The following GRID2 variants were observed in gnomAD, a reference collection of about 807,000 sequenced individuals.
GRID2 encodes the protein glutamate ionotropic receptor delta type subunit 2, also known as glutamate receptor ionotropic, delta-2.
In GRID2, 33 loss-of-function variants were observed where a neutral mutation model predicts 114.8. The observed-to-expected ratio is 0.29, with a 90% CI of 0.22 to 0.38. The LOEUF is 0.38. Among genes scored for constraint, GRID2 ranks in the 10% least tolerant of loss-of-function variants. The pLI, the probability that GRID2 is intolerant of heterozygous loss-of-function variation, is 1.00. For synonymous variants in GRID2, 505 were observed against 449.9 expected (o/e 1.12, Z -1.55); for missense variants, 1,184 against 1,257.7 (o/e 0.94, Z 0.89).
chr4:93,779,023 T>C (rs1734426596), downstream of GRID2, among the ~76,000 whole-genome samples: 1 of 152,164 alleles, frequency 6.6e-6, no homozygotes, highest in African/African-American at 2.4e-5. Context: ...AAGATCATAG[T>C]AAAAATGACC....
rs548861709 is a variant in GRID2 at position 92,687,257 on chromosome 4, C to A, written c.244+96971C>A. Among the ~76,000 whole-genome samples the A allele has an allele frequency of 1.3e-4, 19 of 150,194 alleles. No individual in the cohort carries two copies. The South Asian group carries it at 4.0e-3, about 32-fold the overall frequency. ...TAGTCATTTCTTGTGCAAACCTGCT[C>A]TTTTTGAAGCACACCAACTCAATGA... On this transcript the variant is annotated intron_variant, in intron 2 of 15. Coordinates refer to ENST00000282020, the MANE Select transcript of GRID2 (RefSeq NM_001510.4).
intron 2 of GRID2, among the ~76,000 whole-genome samples, chr4:92,847,552 CA>C (rs1743420374): frequency 6.6e-6 from 1 of 151,976 alleles, no homozygotes; most frequent in African/African-American, 2.4e-5. Flanking sequence ...TTTAAAATAA[CA>C]AAATGTCTAT....
At chr4:93,012,616 T>A (rs1722291773) in intron 2 of GRID2, among the ~76,000 whole-genome samples, 1 of 151,958 alleles carries the variant, frequency 6.6e-6, no homozygotes, top group South Asian at 2.1e-4. Flanking sequence ...GCAAAATGGC[T>A]TGAGTTTTTG....
intron 1 of GRID2, among the ~76,000 whole-genome samples, chr4:92,327,625 T>TTAA (rs1179894125): frequency 3.8e-4 from 57 of 151,912 alleles, no homozygotes; most frequent in African/African-American, 1.4e-3. Context: ...CCAATATTCT[T>TTAA]CCCTTATTAT....
chr4:92,578,610 G>A (rs929994338), intron 1 of GRID2, among the ~76,000 whole-genome samples: 1 of 152,046 alleles, frequency 6.6e-6, no homozygotes, highest in African/African-American at 2.4e-5. Context: ...GCATGGCCTA[G>A]TGACTCACAC....
chr4:93,395,802 G>T, intron 9 of GRID2, 94 bp downstream of exon 9: 1 of 567,010 alleles, frequency 1.8e-6, no homozygotes, highest in Non-Finnish European at 3.2e-6. Context: ...TCTTAAAAGA[G>T]ATTTTAACAA....
intron 13 of GRID2, among the ~76,000 whole-genome samples, chr4:93,518,583 C>G (rs946406982): frequency 6.6e-6 from 1 of 151,614 alleles, no homozygotes; most frequent in Non-Finnish European, 1.5e-5. Context: ...TGGGTATAAA[C>G]AATAAACAAA....
chr4:93,601,512 C>A (rs1739682688), intron 13 of GRID2, among the ~76,000 whole-genome samples: 1 of 152,166 alleles, frequency 6.6e-6, no homozygotes, highest in Admixed American at 6.5e-5. Context: ...CCTGATAACA[C>A]CAACAGCTGA....
intron 4 of GRID2, among the ~76,000 whole-genome samples, chr4:93,133,160 G>C (rs896126220): frequency 1.3e-5 from 2 of 150,922 alleles, no homozygotes; most frequent in Non-Finnish European, 2.9e-5. Context: ...GCTCTCTCTC[G>C]GTCTCTCTCT....
intron 13 of GRID2, among the ~76,000 whole-genome samples, chr4:93,530,664 C>A (rs922207552): frequency 1.3e-5 from 2 of 152,078 alleles, no homozygotes; most frequent in Non-Finnish European, 2.9e-5. Context: ...CCTTTTAATA[C>A]TGTAATTGTC....
intron 8 of GRID2, among the ~76,000 whole-genome samples, chr4:93,271,752 A>G (rs1241203251): frequency 6.6e-6 from 1 of 152,198 alleles, no homozygotes; most frequent in African/African-American, 2.4e-5. Context: ...AAGTACTCTG[A>G]GATGCAAAAA....
At chr4:92,951,925 A>G (rs1441308506) in intron 2 of GRID2, among the ~76,000 whole-genome samples, 3 of 152,166 alleles carry the variant, frequency 2.0e-5, no homozygotes. Context: ...TTATTTCATT[A>G]CATGGATATG....
chr4:92,560,660 C>G (rs1322568164), intron 1 of GRID2, among the ~76,000 whole-genome samples: 1 of 152,044 alleles, frequency 6.6e-6, no homozygotes, highest in East Asian at 1.9e-4. Flanking sequence ...TCACTTATAT[C>G]CTACTGATAT....
At chr4:93,298,476 C>T (rs947798482) in intron 8 of GRID2, among the ~76,000 whole-genome samples, 1 of 152,140 alleles carries the variant, frequency 6.6e-6, no homozygotes, top group South Asian at 2.1e-4. Context: ...GAGGGCTTCA[C>T]CTAAATCACC....
chr4:93,161,836 T>G (rs1737712457), intron 4 of GRID2, among the ~76,000 whole-genome samples: 1 of 151,828 alleles, frequency 6.6e-6, no homozygotes, highest in African/African-American at 2.4e-5. Context: ...TTTTAAGTTT[T>G]TACCAATTAT....
intron 8 of GRID2, among the ~76,000 whole-genome samples, chr4:93,340,728 C>T (rs1759562348): frequency 6.6e-6 from 1 of 152,076 alleles, no homozygotes; most frequent in Admixed American, 6.6e-5. Context: ...CACCTAATGT[C>T]CCGAAGATGA....
intron 2 of GRID2, among the ~76,000 whole-genome samples, chr4:92,864,787 G>A (rs1244066024): frequency 6.6e-6 from 1 of 152,118 alleles, no homozygotes; most frequent in Non-Finnish European, 1.5e-5. Context: ...TGAAGATAAT[G>A]GTAGTACCTG....
chr4:93,099,520 T>C (rs189070714), intron 3 of GRID2, among the ~76,000 whole-genome samples: 1 of 151,974 alleles, frequency 6.6e-6, no homozygotes, highest in Non-Finnish European at 1.5e-5. Context: ...ATAATAAGTA[T>C]TGACAAAATA....
intron 2 of GRID2, among the ~76,000 whole-genome samples, chr4:93,029,382 G>T (rs1176269201): frequency 6.6e-6 from 1 of 151,954 alleles, no homozygotes. Flanking sequence ...TGAATTTGAA[G>T]ACATATCGAT....
Sources: gnomAD v4.1 joint callset for allele counts (sites outside exome capture counted in the v4.1 genomes callset) on GRCh38, gnomAD v4.1.1 for gene constraint, MANE v1.5 for transcripts, NCBI Gene and HGNC (gene_info 2026-07-23, HGNC 2026-07-21) for gene names.